SLIT3: variants seen among roughly 807,000 people sequenced by gnomAD.
SLIT3 encodes the protein slit homolog 3 protein.
SLIT3 carries 68 observed loss-of-function variants against 184.0 expected under a neutral mutation model. That is an observed-to-expected ratio of 0.37 (90% CI 0.30 to 0.45). The LOEUF (loss-of-function observed/expected upper bound fraction) is 0.45. SLIT3 is among the 20% of genes least tolerant of loss of function. The pLI is 1.00. For missense variants in SLIT3, 1,707 were observed against 2,026.0 expected, an observed-to-expected ratio of 0.84 and a Z score of 3.02; for synonymous variants, 831 against 828.6, an observed-to-expected ratio of 1.00 and a Z score of -0.05.
chr5:168,906,580 A>G (rs1223046635), intron 4 of SLIT3, among the ~76,000 whole-genome samples: 2 of 152,192 alleles, frequency 1.3e-5, no homozygotes, highest in Admixed American at 6.5e-5. Context: ...AAACCGTCAC[A>G]GGGGTTACCT....
chr5:168,916,941 T>A (rs1233128278), intron 4 of SLIT3, among the ~76,000 whole-genome samples: 1 of 152,170 alleles, frequency 6.6e-6, no homozygotes, highest in Non-Finnish European at 1.5e-5. Flanking sequence ...CGGTGCTTTG[T>A]TTTATTGATA....
At chr5:169,029,963 C>T (rs1394422068) in intron 4 of SLIT3, among the ~76,000 whole-genome samples, 2 of 152,188 alleles carry the variant, frequency 1.3e-5, no homozygotes, top group African/African-American at 4.8e-5. Context: ...ATTCTCCCCA[C>T]CTGAATGCTG....
chr5:169,025,893 A>G (rs1756803238), intron 4 of SLIT3, among the ~76,000 whole-genome samples: 1 of 152,168 alleles, frequency 6.6e-6, no homozygotes, highest in South Asian at 2.1e-4. Flanking sequence ...ACTCTCCCCT[A>G]GTTCCGCCTT....
At chr5:169,096,559 A>G (rs752189059) in intron 4 of SLIT3, among the ~76,000 whole-genome samples, 1 of 152,228 alleles carries the variant, frequency 6.6e-6, no homozygotes, top group Non-Finnish European at 1.5e-5. Flanking sequence ...TTTACAAAAT[A>G]GCCATTGGAC....
rs755609617 is a variant in SLIT3 at position 168,666,631 on chromosome 5, T to G, written c.4395A>C (p.Ala1465=). ...REVIRRQKGY[A]SCATASKVPI... Reference sequence around the variant, plus strand: ...GCACCTTGGAGGCTGTGGCACATGATGCATAACCTTTCTGGCGGCGGATCA... The same window carrying G: ...GCACCTTGGAGGCTGTGGCACATGAGGCATAACCTTTCTGGCGGCGGATCA... Residue 1465 remains alanine, a synonymous_variant, in exon 36 of 36, where the codon GCA becomes GCC. Coordinates refer to ENST00000519560, the MANE Select transcript of SLIT3 (RefSeq NM_003062.4). 1 of 1,614,222 alleles carries G rather than the reference T, an allele frequency of 6.2e-7. No individual in the cohort carries two copies. Among genetic ancestry groups the G allele is most frequent in the East Asian group, 2.2e-5 (1 of 44,882 alleles).
chr5:169,218,067 T>G (rs1316978787), intron 3 of SLIT3, among the ~76,000 whole-genome samples: 3 of 152,142 alleles, frequency 2.0e-5, no homozygotes, highest in African/African-American at 7.2e-5. Context: ...GGTCTCCGAG[T>G]AGTGAAGAAA....
At chr5:169,255,324 A>G (rs990875675) in intron 1 of SLIT3, among the ~76,000 whole-genome samples, 1 of 152,352 alleles carries the variant, frequency 6.6e-6, no homozygotes, top group African/African-American at 2.4e-5. Flanking sequence ...AAGAGATGAC[A>G]GCTCCATGTG....
At chr5:169,258,813 C>A (rs78705993) in intron 1 of SLIT3, among the ~76,000 whole-genome samples, 1 of 152,090 alleles carries the variant, frequency 6.6e-6, no homozygotes, top group Non-Finnish European at 1.5e-5. Context: ...GGCATTCCTG[C>A]AAAATTTTCT....
chr5:169,117,808 G>C (rs1760736717), intron 4 of SLIT3, among the ~76,000 whole-genome samples: 1 of 152,222 alleles, frequency 6.6e-6, no homozygotes, highest in Non-Finnish European at 1.5e-5. Context: ...TATTGCCAAT[G>C]AAGTCAGAAG....
chr5:169,187,868 T>TC (rs755573374), intron 4 of SLIT3, among the ~76,000 whole-genome samples: 99 of 118,138 alleles, frequency 8.4e-4, no homozygotes, highest in Middle Eastern at 5.4e-3. Context: ...CGATAAATTC[T>TC]TAAAAAAAAA....
Position 169,124,088 on chromosome 5 carries a change from C to CT in SLIT3, c.413+69390dup, listed in dbSNP as rs555285192. Reference sequence around the variant, plus strand: ...GTCCTGATTTGGCTCCTTCTGACTTCTTTTTACTTCCTAGTCTTAAAATCT... The same window carrying CT: ...GTCCTGATTTGGCTCCTTCTGACTTCTTTTTTACTTCCTAGTCTTAAAATCT... On this transcript the variant is annotated intron_variant, in intron 4 of 35. Coordinates refer to ENST00000519560, the MANE Select transcript of SLIT3 (RefSeq NM_003062.4). 6.6e-5 allele frequency among the ~76,000 whole-genome samples: 10 copies of CT among 152,200 alleles called. No homozygotes were observed. The South Asian group carries it at 2.1e-3, about 32-fold the overall frequency.
chr5:168,803,533 T>C (rs1756842210), intron 9 of SLIT3, among the ~76,000 whole-genome samples: 1 of 152,204 alleles, frequency 6.6e-6, no homozygotes, highest in Non-Finnish European at 1.5e-5. Context: ...AATTTCTGTC[T>C]CCTGGAGAGC....
intron 34 of SLIT3, 98 bp downstream of exon 34, chr5:168,671,100 C>G (rs1761224029): frequency 7.3e-7 from 1 of 1,366,040 alleles, no homozygotes; most frequent in South Asian, 1.3e-5. Context: ...CTGACTGCAA[C>G]TCCTCCAGCC....
intron 5 of SLIT3, among the ~76,000 whole-genome samples, chr5:168,868,417 A>G (rs1032372797): frequency 6.6e-6 from 1 of 152,116 alleles, no homozygotes; most frequent in Non-Finnish European, 1.5e-5. Flanking sequence ...TAGTCTCCCT[A>G]GCAGCTGGAA....
chr5:168,921,958 T>A (rs1303136972), intron 4 of SLIT3, among the ~76,000 whole-genome samples: 1 of 152,148 alleles, frequency 6.6e-6, no homozygotes, highest in Admixed American at 6.5e-5. Flanking sequence ...AAGCAATATT[T>A]ATGGAACACC....
intron 2 of SLIT3, among the ~76,000 whole-genome samples, chr5:169,246,346 G>C (rs1208766196): frequency 6.6e-6 from 1 of 152,184 alleles, no homozygotes; most frequent in Non-Finnish European, 1.5e-5. Context: ...GAGGCTAAAA[G>C]ACTTGCTCGA....
intron 8 of SLIT3, among the ~76,000 whole-genome samples, chr5:168,808,861 T>C (rs1240939968): frequency 1.3e-5 from 2 of 152,104 alleles, no homozygotes; most frequent in East Asian, 3.9e-4. Flanking sequence ...ACAGATGGCG[T>C]TCCCTAAAGA....
intron 29 of SLIT3, among the ~76,000 whole-genome samples, chr5:168,691,865 T>G (rs1163416680): frequency 6.6e-6 from 1 of 152,162 alleles, no homozygotes; most frequent in Non-Finnish European, 1.5e-5. Flanking sequence ...TCTCACAATC[T>G]TCTCTAGAAG....
intron 14 of SLIT3, among the ~76,000 whole-genome samples, 173 bp from the exon 15 acceptor site, chr5:168,762,862 C>T (rs1174502878): frequency 1.3e-5 from 2 of 152,154 alleles, no homozygotes; most frequent in African/African-American, 4.8e-5. Flanking sequence ...GGTGCCTTCC[C>T]TGTCCCCAGC....
Sources: gnomAD v4.1 joint callset for allele counts (sites outside exome capture counted in the v4.1 genomes callset) on GRCh38, gnomAD v4.1.1 for gene constraint, MANE v1.5 for transcripts, NCBI Gene and HGNC (gene_info 2026-07-23, HGNC 2026-07-21) for gene names.